The following TRHDE variants were observed in gnomAD, a reference collection of about 807,000 sequenced individuals.
The protein encoded by TRHDE is thyrotropin-releasing hormone-degrading ectoenzyme.
TRHDE carries 72 observed loss-of-function variants against 125.7 expected under a neutral mutation model. The ratio of observed to expected loss-of-function variants is 0.57; its 90% CI spans 0.47 to 0.70. The LOEUF is 0.70. TRHDE is among the 30% of genes least tolerant of loss of function. The probability of loss-of-function intolerance (pLI) is 0.00; values close to 1 mark genes in which losing one functional copy is unlikely to be tolerated. For synonymous variants in TRHDE, 509 were observed against 509.1 expected (o/e 1.00, Z 0.00); for missense variants, 1,110 against 1,327.1 (o/e 0.84, Z 2.54).
At chr12:72,235,790 ACTAGCG>A (rs2139376842) in intron 2 of TRHDE, among the ~76,000 whole-genome samples, 1 of 81,646 alleles carries the variant, frequency 1.2e-5, no homozygotes, top group African/African-American at 5.4e-5. Context: ...CCCAAATTAC[ACTAGCG>A]TATTTAAGGC....
At chr12:72,628,094 A>G (rs1286913924) in intron 15 of TRHDE, among the ~76,000 whole-genome samples, 1 of 151,954 alleles carries the variant, frequency 6.6e-6, no homozygotes, top group Non-Finnish European at 1.5e-5. Flanking sequence ...AGCCTCTGCC[A>G]TGTTCCAGCC....
intron 5 of TRHDE, among the ~76,000 whole-genome samples, chr12:72,490,769 A>AC (rs1313435809): frequency 1.3e-3 from 194 of 151,584 alleles, no homozygotes; most frequent in African/African-American, 4.3e-3. Flanking sequence ...AAAAAAAAAA[A>AC]AAACAACCCT....
At chr12:72,342,981 G>A (rs963649622) in intron 2 of TRHDE, among the ~76,000 whole-genome samples, 2 of 152,104 alleles carry the variant, frequency 1.3e-5, no homozygotes, top group South Asian at 4.1e-4. Context: ...GGTGGGTCCT[G>A]TTACTACCTC....
At chr12:72,623,942 T>C (rs1458054961) in intron 15 of TRHDE, among the ~76,000 whole-genome samples, 2 of 152,084 alleles carry the variant, frequency 1.3e-5, no homozygotes, top group Non-Finnish European at 2.9e-5. Flanking sequence ...AAGATTCTTT[T>C]GTCATTTCCT....
intron 12 of TRHDE, among the ~76,000 whole-genome samples, chr12:72,600,384 T>C (rs1398337773): frequency 6.6e-6 from 1 of 152,134 alleles, no homozygotes; most frequent in East Asian, 1.9e-4. Context: ...TTCCAATGCA[T>C]GAACATGGAA....
intron 2 of TRHDE, among the ~76,000 whole-genome samples, chr12:72,141,304 A>T (rs75409064): frequency 0.035 from 5,297 of 152,272 alleles, 163 homozygotes; most frequent in African/African-American, 0.084. Context: ...GAGGTCTTTT[A>T]AAAATGCAAA....
At chr12:72,642,580 T>C (rs1874110278) in intron 15 of TRHDE, among the ~76,000 whole-genome samples, 1 of 152,202 alleles carries the variant, frequency 6.6e-6, no homozygotes, top group Non-Finnish European at 1.5e-5. Flanking sequence ...TGAGGGTAGC[T>C]AGGAGAGGCT....
chr12:72,387,861 T>C (rs1872490314), intron 3 of TRHDE, among the ~76,000 whole-genome samples: 2 of 152,206 alleles, frequency 1.3e-5, no homozygotes, highest in Admixed American at 1.3e-4. Flanking sequence ...TCTGCCATGA[T>C]TGTGAGGCCT....
chr12:72,634,656 C>G (rs966047192), intron 15 of TRHDE, among the ~76,000 whole-genome samples: 1 of 142,938 alleles, frequency 7.0e-6, no homozygotes, highest in African/African-American at 2.6e-5. Context: ...CCCCCCTCCC[C>G]CCAACCCACA....
intron 2 of TRHDE, among the ~76,000 whole-genome samples, chr12:72,164,472 C>T (rs1784184955): frequency 6.6e-6 from 1 of 152,274 alleles, no homozygotes; most frequent in Admixed American, 6.5e-5. Flanking sequence ...TAGGGTCTTA[C>T]ATGCAGGGGA....
intron 2 of TRHDE, among the ~76,000 whole-genome samples, chr12:72,349,042 T>C (rs12304897): frequency 0.11 from 16,346 of 152,038 alleles, 998 homozygotes; most frequent in Admixed American, 0.16. Flanking sequence ...CTTGAGGGAA[T>C]GTAGTCTCCC....
chr12:72,262,364 G>A (rs1248912922), intron 2 of TRHDE, among the ~76,000 whole-genome samples: 1 of 152,050 alleles, frequency 6.6e-6, no homozygotes, highest in Non-Finnish European at 1.5e-5. Flanking sequence ...ATAGAACATT[G>A]AACATTAAAC....
chr12:72,098,021 T>C (rs962182429), intron 1 of TRHDE, among the ~76,000 whole-genome samples: 2 of 152,112 alleles, frequency 1.3e-5, no homozygotes, highest in Non-Finnish European at 2.9e-5. Context: ...TTCTTTTTTA[T>C]TCACAATACT....
At chr12:72,256,153 C>T (rs1878809591) in intron 2 of TRHDE, 1 of 152,200 alleles carries the variant, frequency 6.6e-6, no homozygotes, top group South Asian at 2.1e-4. Context: ...TGAAAGTCAA[C>T]TTTTATCAGT....
chr12:72,210,864 A>G (rs1877766608), intron 2 of TRHDE, among the ~76,000 whole-genome samples: 1 of 152,222 alleles, frequency 6.6e-6, no homozygotes, highest in South Asian at 2.1e-4. Context: ...TTTTTAAATC[A>G]TTCATAATAC....
rs1875056505 is a variant in TRHDE at position 72,664,846 on chromosome 12, TATAGA to T, written c.*1655_*1659del. The T allele has an allele frequency of 6.6e-6, 1 of 152,092 alleles. No individual in the cohort carries two copies. 9.4% of individuals were successfully genotyped at this position (152,092 alleles called of 1,614,324 possible). ...AGAAAAGAGGAGCTATTTCCGAATC[TATAGA>T]ATAAAGTACCACCTAAAACTGAATT... On this transcript the variant is annotated 3_prime_UTR_variant, in exon 19 of 19. Coordinates refer to ENST00000261180, the MANE Select transcript of TRHDE (RefSeq NM_013381.3).
intron 2 of TRHDE, among the ~76,000 whole-genome samples, chr12:72,207,160 TC>T (rs1357171625): frequency 6.6e-6 from 1 of 152,144 alleles, no homozygotes; most frequent in African/African-American, 2.4e-5. Context: ...AAAGGCTGTT[TC>T]CCCCCTAAGA....
intron 12 of TRHDE, chr12:72,582,350 T>C: frequency 6.1e-6 from 6 of 985,332 alleles, no homozygotes; most frequent in Non-Finnish European, 7.2e-6. Context: ...TTTTTTCATT[T>C]CTGAGCCTGG....
At chr12:72,325,004 G>A (rs1869274414) in intron 2 of TRHDE, among the ~76,000 whole-genome samples, 1 of 152,024 alleles carries the variant, frequency 6.6e-6, no homozygotes, top group South Asian at 2.1e-4. Flanking sequence ...ATCATCAACT[G>A]TGAGCTTTTG....
Sources: allele counts gnomAD v4.1 joint callset (sites outside exome capture counted in the v4.1 genomes callset), GRCh38; gene constraint gnomAD v4.1.1; transcripts MANE v1.5; gene names NCBI Gene and HGNC (gene_info 2026-07-23, HGNC 2026-07-21).